Variants in NLGN4X observed in about 807,000 individuals in gnomAD.
The protein encoded by NLGN4X is neuroligin 4 X-linked.
NLGN4X carries 3 observed loss-of-function variants against 40.3 expected under a neutral mutation model. That is an observed-to-expected ratio of 0.07 (90% CI 0.03 to 0.19). The LOEUF (loss-of-function observed/expected upper bound fraction) is 0.19, where lower values mean the gene tolerates loss of function less well. Among genes scored for constraint, NLGN4X ranks in the 10% least tolerant of loss-of-function variants. The probability of loss-of-function intolerance (pLI) is 1.00; values close to 1 mark genes in which losing one functional copy is unlikely to be tolerated. For missense variants in NLGN4X, 382 were observed against 708.3 expected (o/e 0.54, Z 5.23); for synonymous variants, 270 against 306.8 (o/e 0.88, Z 1.25).
At chrX:6,001,854 T>C (rs1429334860) in intron 3 of NLGN4X, among the ~76,000 whole-genome samples, 2 of 111,978 alleles carry the variant, frequency 1.8e-5, no homozygotes. Context: ...TATTTTCTAA[T>C]AGTAGAAACA....
chrX:6,228,826 G>C lies in NLGN4X; in HGVS notation c.-591C>G, dbSNP rs1230279885. ...GGGCCAAGCTAGTGGCTGAATAAGA[G>C]CTCTGTGCTAAGAGACAGAGAAGGG... On this transcript the variant is annotated 5_prime_UTR_variant, in exon 1 of 6. Coordinates refer to ENST00000381095, the MANE Select transcript of NLGN4X (RefSeq NM_181332.3). 8.9e-6 allele frequency: 1 copy of C among 112,191 alleles called. No individual in the cohort carries two copies. Among genetic ancestry groups the C allele is most frequent in the Non-Finnish European group, 1.9e-5 (1 of 53,320 alleles). The allele number at this position is 112,191 out of a possible 1,213,427, so 9.2% of individuals were successfully genotyped here.
At chrX:6,165,487 G>GT (rs1030726184) in intron 1 of NLGN4X, among the ~76,000 whole-genome samples, 1 of 111,698 alleles carries the variant, frequency 9.0e-6, no homozygotes, top group Non-Finnish European at 1.9e-5. Flanking sequence ...AAAATGAAAT[G>GT]TTTTTTGCCA....
intron 3 of NLGN4X, among the ~76,000 whole-genome samples, chrX:6,018,500 GT>G (rs2036450169): frequency 9.0e-6 from 1 of 111,447 alleles, no homozygotes; most frequent in Non-Finnish European, 1.9e-5. Context: ...TTTTTTTGTT[GT>G]TCTTTTTAAT....
chrX:6,141,881 C>A (rs909550867), intron 2 of NLGN4X, among the ~76,000 whole-genome samples: 1 of 110,636 alleles, frequency 9.0e-6, no homozygotes, highest in Non-Finnish European at 1.9e-5. Flanking sequence ...TAAAATAGTA[C>A]GGAAAATAAA....
At chrX:6,106,273 T>C (rs1313906380) in intron 2 of NLGN4X, among the ~76,000 whole-genome samples, 1 of 111,648 alleles carries the variant, frequency 9.0e-6, no homozygotes, top group Non-Finnish European at 1.9e-5. Context: ...TGGATCTGTA[T>C]GTCCTCTGAT....
intron 3 of NLGN4X, among the ~76,000 whole-genome samples, chrX:5,925,739 TA>T (rs1201359780): frequency 5.9e-5 from 6 of 102,055 alleles, no homozygotes; most frequent in Non-Finnish European, 6.0e-5. Context: ...CTGAATTTAA[TA>T]AGGACTTACA....
chrX:6,226,161 A>G (rs761459064), intron 1 of NLGN4X, among the ~76,000 whole-genome samples: 2 of 108,486 alleles, frequency 1.8e-5, no homozygotes, highest in African/African-American at 6.7e-5. Context: ...GGCGCACCGC[A>G]GGGGCCAAAA....
At chrX:6,219,208 G>T (rs1196036534) in intron 1 of NLGN4X, among the ~76,000 whole-genome samples, 2 of 102,036 alleles carry the variant, frequency 2.0e-5, no homozygotes, top group African/African-American at 7.2e-5. Flanking sequence ...AGTTTGACAT[G>T]CATTTTCCAA....
intron 1 of NLGN4X, among the ~76,000 whole-genome samples, chrX:6,221,391 T>TTTTATATATATATA (rs1491106130): frequency 6.9e-4 from 37 of 53,345 alleles, no homozygotes; most frequent in African/African-American, 2.6e-3. Context: ...CCTTCTTATA[T>TTTTATATATATATA]TATATATATA....
chrX:6,122,081 G>A (rs531983128), intron 2 of NLGN4X, among the ~76,000 whole-genome samples: 4 of 111,845 alleles, frequency 3.6e-5, no homozygotes, highest in Non-Finnish European at 7.5e-5. Context: ...TCAGATAAGA[G>A]CCAGCCAGTG....
intron 3 of NLGN4X, among the ~76,000 whole-genome samples, chrX:5,980,094 T>G (rs1322465140): frequency 9.3e-6 from 1 of 106,976 alleles, no homozygotes; most frequent in African/African-American, 3.4e-5. Context: ...AAATATATGA[T>G]ATATTTTATA....
chrX:6,149,680 CAA>C (rs1371035227), intron 2 of NLGN4X, among the ~76,000 whole-genome samples: 1 of 111,473 alleles, frequency 9.0e-6, no homozygotes, highest in Non-Finnish European at 1.9e-5. Context: ...ACCATAACGA[CAA>C]GGGCAATATG....
intron 3 of NLGN4X, among the ~76,000 whole-genome samples, chrX:5,990,979 G>A (rs769301878): frequency 1.8e-5 from 2 of 109,505 alleles, no homozygotes; most frequent in Non-Finnish European, 3.8e-5. Flanking sequence ...CAGCACATGC[G>A]TGTGTGCATG....
chrX:5,961,343 C>T (rs1367564563), intron 3 of NLGN4X, among the ~76,000 whole-genome samples: 2 of 112,401 alleles, frequency 1.8e-5, no homozygotes, highest in Non-Finnish European at 3.8e-5. Context: ...AATCTATTGA[C>T]ACTCCATTAA....
chrX:6,208,591 A>G (rs1286433703), intron 1 of NLGN4X, among the ~76,000 whole-genome samples: 1 of 112,037 alleles, frequency 8.9e-6, no homozygotes, highest in Admixed American at 9.5e-5. Context: ...GAACCCAAAA[A>G]CCAGTGAAAT....
At chrX:5,928,882 C>T (rs1159758240) in intron 3 of NLGN4X, among the ~76,000 whole-genome samples, 6 of 105,940 alleles carry the variant, frequency 5.7e-5, no homozygotes, top group Non-Finnish European at 9.7e-5. Context: ...TGGTATCTTG[C>T]TATGTTGCCC....
intron 2 of NLGN4X, among the ~76,000 whole-genome samples, chrX:6,035,407 G>A (rs1452766579): frequency 1.8e-5 from 2 of 111,746 alleles, no homozygotes; most frequent in South Asian, 3.7e-4. Flanking sequence ...ACCTTCTCCT[G>A]TGTTGCTGAA....
intron 3 of NLGN4X, among the ~76,000 whole-genome samples, chrX:5,959,484 G>A (rs1024819191): frequency 8.9e-6 from 1 of 111,979 alleles, no homozygotes; most frequent in Non-Finnish European, 1.9e-5. Context: ...TTTCTGGCAT[G>A]CTAATGACAA....
intron 3 of NLGN4X, among the ~76,000 whole-genome samples, chrX:5,932,224 C>G (rs2033571751): frequency 9.0e-6 from 1 of 111,561 alleles, no homozygotes; most frequent in Non-Finnish European, 1.9e-5. Context: ...AGCCAAATCT[C>G]AAATTTCAAA....
Sources: gnomAD v4.1 joint callset for allele counts (sites outside exome capture counted in the v4.1 genomes callset) on GRCh38, gnomAD v4.1.1 for gene constraint, MANE v1.5 for transcripts, NCBI Gene and HGNC (gene_info 2026-07-23, HGNC 2026-07-21) for gene names.